The following ASXL3 variants were observed in gnomAD, a reference collection of about 807,000 sequenced individuals.
ASXL3 encodes putative Polycomb group protein ASXL3.
A neutral mutation model predicts 170.6 loss-of-function variants in ASXL3; 34 were observed. That is an observed-to-expected ratio of 0.20 (90% CI 0.15 to 0.27). The LOEUF is 0.27. Ranked by LOEUF, ASXL3 falls within the 10% of genes least tolerant of loss-of-function variation. ASXL3 has a pLI of 1.00. For synonymous variants in ASXL3, 1,002 were observed against 989.1 expected (o/e 1.01, Z -0.24); for missense variants, 2,592 against 2,695.3 (o/e 0.96, Z 0.85).
chr18:33,587,782 G>C (rs779507922), intron 1 of ASXL3, among the ~76,000 whole-genome samples: 2 of 151,580 alleles, frequency 1.3e-5, no homozygotes, highest in Non-Finnish European at 2.9e-5. Context: ...AAAAAAAAAG[G>C]AGAAACTTAG....
chr18:33,678,641 C>CGAAA (rs2066467624), intron 7 of ASXL3, among the ~76,000 whole-genome samples: 1 of 152,134 alleles, frequency 6.6e-6, no homozygotes, highest in Non-Finnish European at 1.5e-5. Context: ...GGTTCTTTTC[C>CGAAA]CCTTTGCCCT....
chr18:33,646,611 A>G (rs1269695468), intron 4 of ASXL3, among the ~76,000 whole-genome samples: 1 of 151,952 alleles, frequency 6.6e-6, no homozygotes, highest in Admixed American at 6.6e-5. Context: ...AAGTATCAAC[A>G]TATTTCTCCT....
intron 8 of ASXL3, among the ~76,000 whole-genome samples, chr18:33,723,699 A>C (rs187899971): frequency 5.3e-5 from 8 of 152,318 alleles, no homozygotes; most frequent in Admixed American, 5.2e-4. Context: ...AATTGACTCC[A>C]ATTTTGAAAG....
chr18:33,710,864 T>C (rs2145347984), intron 8 of ASXL3, among the ~76,000 whole-genome samples: 1 of 152,288 alleles, frequency 6.6e-6, no homozygotes, highest in South Asian at 2.1e-4. Context: ...CTTTACTGAA[T>C]TTTTTATGGG....
At chr18:33,637,671 A>T (rs566261026) in intron 2 of ASXL3, among the ~76,000 whole-genome samples, 2 of 152,194 alleles carry the variant, frequency 1.3e-5, no homozygotes, top group African/African-American at 2.4e-5. Flanking sequence ...ATTGGAAATA[A>T]TTTTTTTGAG....
At chr18:33,608,858 A>G (rs754936822) in intron 2 of ASXL3, among the ~76,000 whole-genome samples, 1 of 152,038 alleles carries the variant, frequency 6.6e-6, no homozygotes, top group Non-Finnish European at 1.5e-5. Context: ...ATGTGTGGGT[A>G]ACATCAGCCT....
intron 5 of ASXL3, among the ~76,000 whole-genome samples, chr18:33,665,167 A>G (rs1015355506): frequency 6.6e-6 from 1 of 152,196 alleles, no homozygotes; most frequent in Non-Finnish European, 1.5e-5. Flanking sequence ...AAGAAGGATG[A>G]GTTGTGTTAC....
Position 33,745,800 on chromosome 18 carries a change from A to T in ASXL3, c.5952A>T (p.Leu1984=), listed in dbSNP as rs568541286. The T allele has an allele frequency of 6.2e-7, 1 of 1,614,004 alleles. No individual in the cohort carries two copies. The part of the protein sequence containing the change: ...EVSLSSAPHQ[L]RLANMLSPNM... The stretch of plus-strand genomic sequence containing the variant: ...GTCTTTCCTCAGCACCTCACCAGCT[A>T]AGGTTAGCCAACATGTTATCCCCCA... The change falls in exon 12 of 12, where the codon CTA becomes CTT. Residue 1984 remains leucine, a synonymous_variant. Coordinates refer to ENST00000269197, the MANE Select transcript of ASXL3 (RefSeq NM_030632.3).
Position 33,746,516 on chromosome 18 carries a change from G to A in ASXL3, c.6668G>A (p.Cys2223Tyr), listed in dbSNP as rs773281298. ...CSCRLKAMIV[C>Y]KGCGAFCHDD... is the part of the protein sequence containing the mutation. ...TGCCGGCTGAAAGCCATGATTGTGT[G>A]CAAAGGCTGTGGGGCCTTCTGCCAT... The change falls in exon 12 of 12, where the codon TGC (cysteine) becomes TAC (tyrosine). Residue 2223 changes from cysteine (C) to tyrosine (Y), a missense_variant. Physicochemically the swap from Cys to Tyr is radical, Grantham distance 194. Around this residue, in one of 4 missense-constraint regions of ASXL3, gnomAD observed 22 missense variants for 51.1 expected, o/e 0.43. Coordinates refer to ENST00000269197, the MANE Select transcript of ASXL3 (RefSeq NM_030632.3). The A allele has an allele frequency of 6.2e-7, 1 of 1,613,592 alleles. No homozygotes were observed. Among genetic ancestry groups the A allele is most frequent in the African/African-American group, 1.3e-5 (1 of 74,948 alleles).
intron 8 of ASXL3, among the ~76,000 whole-genome samples, chr18:33,718,597 A>G (rs2067205474): frequency 6.6e-6 from 1 of 152,032 alleles, no homozygotes; most frequent in Non-Finnish European, 1.5e-5. Flanking sequence ...TCCTCTTCCT[A>G]GCTCATGCAA....
At chr18:33,647,523 A>G (rs1324980320) in intron 4 of ASXL3, among the ~76,000 whole-genome samples, 2 of 152,036 alleles carry the variant, frequency 1.3e-5, no homozygotes, top group African/African-American at 4.8e-5. Flanking sequence ...AGAGAGGGGA[A>G]AAGGCAGAGA....
At chr18:33,701,162 T>G (rs2145326268) in intron 8 of ASXL3, among the ~76,000 whole-genome samples, 1 of 152,182 alleles carries the variant, frequency 6.6e-6, no homozygotes, top group East Asian at 1.9e-4. Context: ...TATATGAATA[T>G]CCTCCAAAGT....
intron 2 of ASXL3, among the ~76,000 whole-genome samples, chr18:33,624,456 G>T (rs2145158925): frequency 6.6e-6 from 1 of 152,064 alleles, no homozygotes; most frequent in South Asian, 2.1e-4. Flanking sequence ...GTTGTATTTT[G>T]GTGGAGGCAG....
At chr18:33,631,430 A>G (rs960032605) in intron 2 of ASXL3, among the ~76,000 whole-genome samples, 3 of 152,064 alleles carry the variant, frequency 2.0e-5, no homozygotes, top group African/African-American at 7.2e-5. Flanking sequence ...TCTTGCTTAT[A>G]TACTGCTGGT....
chr18:33,682,260 G>A (rs1306415993), intron 7 of ASXL3, among the ~76,000 whole-genome samples: 1 of 152,160 alleles, frequency 6.6e-6, no homozygotes, highest in Non-Finnish European at 1.5e-5. Context: ...AGCAGGCATT[G>A]GACCAGATAT....
chr18:33,595,660 T>C (rs2065119424), intron 1 of ASXL3, among the ~76,000 whole-genome samples: 1 of 152,240 alleles, frequency 6.6e-6, no homozygotes, highest in South Asian at 2.1e-4. Flanking sequence ...CAGAGTATGC[T>C]TATTTTCTGA....
chr18:33,618,711 T>G (rs1261345393), intron 2 of ASXL3, among the ~76,000 whole-genome samples: 1 of 152,132 alleles, frequency 6.6e-6, no homozygotes, highest in East Asian at 1.9e-4. Flanking sequence ...CCATTTTCTG[T>G]GTTATTTAAT....
intron 2 of ASXL3, among the ~76,000 whole-genome samples, chr18:33,616,019 A>C (rs902310251): frequency 6.6e-6 from 1 of 152,214 alleles, no homozygotes; most frequent in Non-Finnish European, 1.5e-5. Context: ...TAGTCTGCAC[A>C]TGAATATCAC....
intron 2 of ASXL3, among the ~76,000 whole-genome samples, chr18:33,634,761 T>G (rs1474461548): frequency 6.6e-6 from 1 of 152,170 alleles, no homozygotes; most frequent in Non-Finnish European, 1.5e-5. Context: ...AATTTTGTTT[T>G]CTGTAAATGG....
Sources: gnomAD v4.1 joint callset for allele counts (sites outside exome capture counted in the v4.1 genomes callset) on GRCh38, gnomAD v4.1.1 for gene constraint, gnomAD v4.1.1 regional missense constraint, MANE v1.5 for transcripts, NCBI Gene and HGNC (gene_info 2026-07-23, HGNC 2026-07-21) for gene names.